Variants in ATP9B observed in about 807,000 individuals in gnomAD.
ATP9B encodes probable phospholipid-transporting ATPase IIB.
In ATP9B, 110 loss-of-function variants were observed where a neutral mutation model predicts 146.1. The ratio of observed to expected loss-of-function variants is 0.75; its 90% confidence interval spans 0.65 to 0.88. ATP9B has a LOEUF of 0.88. ATP9B is among the 40% of genes least tolerant of loss of function. ATP9B has a pLI of 0.00. For synonymous variants in ATP9B, 604 were observed against 569.7 expected (o/e 1.06, Z -0.86); for missense variants, 1,499 against 1,496.4 (o/e 1.00, Z -0.03).
At chr18:79,131,634 A>G (rs2094379634) in intron 5 of ATP9B, among the ~76,000 whole-genome samples, 1 of 152,254 alleles carries the variant, frequency 6.6e-6, no homozygotes, top group East Asian at 1.9e-4. Context: ...AGTTAAAAAG[A>G]ATTTAAAGCA....
chr18:79,119,239 A>G (rs1434718625), intron 4 of ATP9B, among the ~76,000 whole-genome samples: 8 of 152,162 alleles, frequency 5.3e-5, no homozygotes, highest in Admixed American at 5.2e-4. Flanking sequence ...ACCAAAGAAA[A>G]TGTCCTTTTG....
chr18:79,371,197 C>A (rs1161213633), intron 26 of ATP9B, among the ~76,000 whole-genome samples: 1 of 152,028 alleles, frequency 6.6e-6, no homozygotes, highest in African/African-American at 2.4e-5. Context: ...CATGGTGAAA[C>A]CCCCTCTCTA....
chr18:79,297,786 G>A (rs2096563711), intron 13 of ATP9B, among the ~76,000 whole-genome samples: 1 of 112,898 alleles, frequency 8.9e-6, no homozygotes, highest in Non-Finnish European at 2.0e-5. Flanking sequence ...ACTCTACACT[G>A]TCGTGTAATA....
chr18:79,333,830 G>T (rs978202344), intron 17 of ATP9B, among the ~76,000 whole-genome samples: 2 of 152,210 alleles, frequency 1.3e-5, no homozygotes, highest in African/African-American at 4.8e-5. Context: ...TCAGGAAGAT[G>T]TGATTACCAC....
At chr18:79,295,677 A>G (rs927435921) in intron 13 of ATP9B, among the ~76,000 whole-genome samples, 3 of 152,364 alleles carry the variant, frequency 2.0e-5, no homozygotes, top group African/African-American at 7.2e-5. Flanking sequence ...CTGAATGTTC[A>G]TCTCTCTCTA....
intron 11 of ATP9B, among the ~76,000 whole-genome samples, chr18:79,249,232 G>A (rs781579397): frequency 1.2e-4 from 18 of 152,188 alleles, no homozygotes; most frequent in Non-Finnish European, 2.4e-4. Flanking sequence ...ATTTGTGATC[G>A]TTGCCATTAG....
intron 13 of ATP9B, among the ~76,000 whole-genome samples, chr18:79,287,250 G>T (rs2146010481): frequency 6.6e-6 from 1 of 152,210 alleles, no homozygotes; most frequent in African/African-American, 2.4e-5. Flanking sequence ...TCTGGTCTTG[G>T]ACTCTTTTTG....
At chr18:79,288,566 C>T (rs2096468085) in intron 13 of ATP9B, among the ~76,000 whole-genome samples, 1 of 151,862 alleles carries the variant, frequency 6.6e-6, no homozygotes, top group South Asian at 2.1e-4. Flanking sequence ...GACTCTTTAT[C>T]CAATTTGCCA....
intron 6 of ATP9B, among the ~76,000 whole-genome samples, chr18:79,152,601 T>G (rs556656053): frequency 1.3e-5 from 2 of 152,332 alleles, no homozygotes; most frequent in South Asian, 4.1e-4. Context: ...AAAATATTCT[T>G]GTCATGTTTG....
At chr18:79,369,401 C>A (rs550847984) in intron 26 of ATP9B, among the ~76,000 whole-genome samples, 1 of 151,908 alleles carries the variant, frequency 6.6e-6, no homozygotes. Flanking sequence ...GGTGTGGTGG[C>A]GGGCGCCTGT....
At chr18:79,274,388 A>G (rs1323863247) in intron 12 of ATP9B, among the ~76,000 whole-genome samples, 1 of 152,202 alleles carries the variant, frequency 6.6e-6, no homozygotes, top group Non-Finnish European at 1.5e-5. Context: ...TGTGAATCAC[A>G]TGCATATAAG....
At chr18:79,203,554 A>G (rs1008102429) in intron 9 of ATP9B, among the ~76,000 whole-genome samples, 1 of 152,222 alleles carries the variant, frequency 6.6e-6, no homozygotes, top group Non-Finnish European at 1.5e-5. Flanking sequence ...TCTTTTGTTT[A>G]TTGGACAATG....
intron 6 of ATP9B, chr18:79,146,043 C>A (rs2094581065): frequency 9.2e-6 from 1 of 108,348 alleles, no homozygotes; most frequent in Non-Finnish European, 1.7e-5. Flanking sequence ...GGGGAGCTGG[C>A]GGTGTGCAGA....
intron 9 of ATP9B, among the ~76,000 whole-genome samples, chr18:79,199,667 G>A (rs192210137): frequency 2.4e-4 from 36 of 152,132 alleles, no homozygotes; most frequent in African/African-American, 7.7e-4. Flanking sequence ...GGAGGCTGAG[G>A]CAGGAGAATC....
intron 7 of ATP9B, among the ~76,000 whole-genome samples, chr18:79,170,735 C>G (rs1410493976): frequency 6.6e-6 from 1 of 152,172 alleles, no homozygotes; most frequent in Non-Finnish European, 1.5e-5. Flanking sequence ...TGTCAGAGGT[C>G]TCTCTCCTGC....
intron 8 of ATP9B, among the ~76,000 whole-genome samples, chr18:79,186,835 C>A (rs568048964): frequency 7.9e-5 from 12 of 152,336 alleles, no homozygotes; most frequent in Admixed American, 3.9e-4. Flanking sequence ...AACTAGCCTG[C>A]ACGTATTTTT....
intron 1 of ATP9B, 82 bp downstream of exon 1, chr18:79,069,611 G>A: frequency 4.3e-6 from 4 of 928,240 alleles, no homozygotes; most frequent in Non-Finnish European, 5.7e-6. Context: ...GAGCCGGGCG[G>A]GTCTGGGGTC....
intron 1 of ATP9B, among the ~76,000 whole-genome samples, chr18:79,071,951 A>G (rs1276551208): frequency 6.8e-6 from 1 of 147,308 alleles, no homozygotes; most frequent in East Asian, 2.0e-4. Context: ...TATTTCTTCA[A>G]CTACTCTTTG....
chr18:79,127,041 T>G (rs554084769), intron 5 of ATP9B, among the ~76,000 whole-genome samples: 49 of 152,320 alleles, frequency 3.2e-4, no homozygotes, highest in African/African-American at 1.1e-3. Flanking sequence ...ACTGAAAAAC[T>G]GAATGGGTAT....
Sources: allele counts gnomAD v4.1 joint callset (sites outside exome capture counted in the v4.1 genomes callset), GRCh38; gene constraint gnomAD v4.1.1; transcripts MANE v1.5; gene names NCBI Gene and HGNC (gene_info 2026-07-23, HGNC 2026-07-21).